The following QTGAL variants were observed in gnomAD, a reference collection of about 807,000 sequenced individuals.
QTGAL encodes the protein BGnT-like protein 1.
At chr17:82,994,273 G>A in the QTGAL span, among the ~76,000 whole-genome samples, 2 of 151,958 alleles carry the variant, frequency 1.3e-5, no homozygotes, top group Non-Finnish European at 2.9e-5. Context: ...CAAAAAAAGA[G>A]AGAACACCCA....
the QTGAL span, among the ~76,000 whole-genome samples, chr17:82,989,278 A>C: frequency 6.6e-6 from 1 of 151,978 alleles, no homozygotes; most frequent in African/African-American, 2.4e-5. Context: ...TCTCACTCAT[A>C]AGTGGGAGCT....
chr17:83,005,628 C>A, the QTGAL span: 1 of 702,924 alleles, frequency 1.4e-6, no homozygotes, highest in Non-Finnish European at 2.6e-6. This position sits in a 1 kb window ranked among gnomAD's most constrained non-coding sequence, Gnocchi z 5.6. Flanking sequence ...GTCCGCAGGC[C>A]GCCCGTCTGA....
chr17:82,942,339 G>T, the QTGAL span: 1 of 1,512,916 alleles, frequency 6.6e-7, no homozygotes, highest in Non-Finnish European at 9.1e-7. Context: ...ATGGTTTCCT[G>T]CAGGAACCGT....
the QTGAL span, among the ~76,000 whole-genome samples, chr17:82,977,146 C>T: frequency 6.6e-6 from 1 of 152,262 alleles, no homozygotes; most frequent in Non-Finnish European, 1.5e-5. Context: ...CAGAGGAACA[C>T]TGGGAAACGT....
chr17:82,981,866 C>A, the QTGAL span: 1 of 152,246 alleles, frequency 6.6e-6, no homozygotes, highest in Non-Finnish European at 1.5e-5. Flanking sequence ...GTATTATATA[C>A]CGTATTCTTA....
the QTGAL span, among the ~76,000 whole-genome samples, chr17:82,978,029 C>T: frequency 2.6e-5 from 4 of 152,268 alleles, no homozygotes; most frequent in African/African-American, 7.2e-5. The surrounding 1 kb of genome is among the most constrained non-coding windows in gnomAD (Gnocchi z 4.8). Context: ...CCATGCGACC[C>T]GGGCCACCTC....
the QTGAL span, chr17:83,051,658 G>A: frequency 7.7e-7 from 1 of 1,300,182 alleles, no homozygotes; most frequent in Non-Finnish European, 1.0e-6. Context: ...ACCCCGGAGC[G>A]AGAGAGGACT....
chr17:82,958,892 G>GGTGT, the QTGAL span, among the ~76,000 whole-genome samples: 1 of 110,468 alleles, frequency 9.1e-6, no homozygotes, highest in East Asian at 2.6e-4. Context: ...GGGGGTGTAT[G>GGTGT]GTGTGTGTGT....
chr17:83,022,406 GAGC>G, the QTGAL span, among the ~76,000 whole-genome samples: 9 of 37,454 alleles, frequency 2.4e-4, no homozygotes, highest in East Asian at 1.0e-3. Flanking sequence ...GAACTCACAT[GAGC>G]TTAGCACTGT....
chr17:83,016,774 G>A, the QTGAL span, among the ~76,000 whole-genome samples: 4 of 151,724 alleles, frequency 2.6e-5, no homozygotes, highest in East Asian at 5.8e-4. Flanking sequence ...GATGGAAGGA[G>A]GGAGGAGGGA....
At chr17:83,012,933 G>A in the QTGAL span, among the ~76,000 whole-genome samples, 3 of 151,358 alleles carry the variant, frequency 2.0e-5, no homozygotes, top group Admixed American at 6.6e-5. Context: ...CGTCCCACCC[G>A]ACAAGCAGAC....
chr17:82,984,093 C>CGG, the QTGAL span, among the ~76,000 whole-genome samples: 5 of 106,750 alleles, frequency 4.7e-5, 1 homozygote, highest in Admixed American at 3.1e-4. Context: ...CGTGAGCACA[C>CGG]GGGGGAGAGA....
At chr17:83,049,034 A>C in the QTGAL span, 2 of 470,100 alleles carry the variant, frequency 4.3e-6, no homozygotes, top group Non-Finnish European at 7.7e-6. Context: ...TGGGTGGATT[A>C]CAAGGTCAGG....
the QTGAL span, chr17:82,944,452 C>G: frequency 2.0e-5 from 3 of 152,242 alleles, no homozygotes; most frequent in African/African-American, 4.8e-5. Flanking sequence ...CAAGCAAGCA[C>G]CATCAAGGCA....
chr17:82,989,987 G>T, the QTGAL span, among the ~76,000 whole-genome samples: 2 of 152,136 alleles, frequency 1.3e-5, no homozygotes, highest in African/African-American at 4.8e-5. Flanking sequence ...ATGGATAACC[G>T]CTTTCTTTTA....
the QTGAL span, among the ~76,000 whole-genome samples, chr17:83,051,507 G>A: frequency 6.6e-6 from 1 of 152,204 alleles, no homozygotes; most frequent in South Asian, 2.1e-4. Context: ...AGCGCAGCCG[G>A]AGCTGCAGAT....
the QTGAL span, among the ~76,000 whole-genome samples, chr17:82,972,723 G>C: frequency 7.6e-6 from 1 of 131,348 alleles, no homozygotes; most frequent in African/African-American, 3.4e-5. Context: ...ACCTGGTACT[G>C]ACCACACCAC....
chr17:82,972,462 C>A, the QTGAL span, among the ~76,000 whole-genome samples: 1 of 131,894 alleles, frequency 7.6e-6, no homozygotes, highest in African/African-American at 3.2e-5. Flanking sequence ...GTGCTGACCA[C>A]ACCACACCAC....
At chr17:83,045,999 T>C in the QTGAL span, among the ~76,000 whole-genome samples, 2 of 152,020 alleles carry the variant, frequency 1.3e-5, no homozygotes. Context: ...AATTTTTGTA[T>C]TTTTAGTAGA....
Sources: gnomAD v4.1 joint callset for allele counts (sites outside exome capture counted in the v4.1 genomes callset) on GRCh38, gnomAD v4.1.1 for gene constraint, Gnocchi (gnomAD v3.1) non-coding constraint, MANE v1.5 for transcripts, NCBI Gene and HGNC (gene_info 2026-07-23, HGNC 2026-07-21) for gene names.